MSRB2: variants seen among roughly 807,000 people sequenced by gnomAD.
MSRB2 encodes methionine-R-sulfoxide reductase B2, mitochondrial.
MSRB2 carries 17 observed loss-of-function variants against 19.0 expected under a neutral mutation model. The ratio of observed to expected loss-of-function variants is 0.89; its 90% confidence interval spans 0.61 to 1.34. MSRB2 has a LOEUF of 1.34. Among genes scored for constraint, MSRB2 ranks in the 40% most tolerant of loss-of-function variants. MSRB2 has a pLI of 0.00. For synonymous variants in MSRB2, 107 were observed against 99.7 expected, an observed-to-expected ratio of 1.07 and a Z score of -0.44; for missense variants, 208 against 237.6, an observed-to-expected ratio of 0.88 and a Z score of 0.82.
chr10:23,108,475 C>CT (rs566565955), intron 2 of MSRB2, among the ~76,000 whole-genome samples: 22,267 of 129,198 alleles, frequency 0.17, 2,102 homozygotes, highest in Middle Eastern at 0.22. Flanking sequence ...GAAACTTCCT[C>CT]TTTTTTTTTT....
chr10:23,116,408 A>C (rs1253467307), intron 3 of MSRB2, among the ~76,000 whole-genome samples: 1 of 152,212 alleles, frequency 6.6e-6, no homozygotes, highest in Non-Finnish European at 1.5e-5. Context: ...TTAACAGATC[A>C]CAGAAGGGGC....
At chr10:23,106,584 C>T (rs1839989478) in intron 2 of MSRB2, among the ~76,000 whole-genome samples, 1 of 152,174 alleles carries the variant, frequency 6.6e-6, no homozygotes, top group Non-Finnish European at 1.5e-5. Flanking sequence ...ACAGTGAGAT[C>T]AAAAGGTGGG....
At chr10:23,119,706 T>C (rs959261000) in intron 4 of MSRB2, among the ~76,000 whole-genome samples, 1 of 152,158 alleles carries the variant, frequency 6.6e-6, no homozygotes, top group Non-Finnish European at 1.5e-5. Context: ...TGAGTTCAAG[T>C]GCCTCAGCCT....
intron 2 of MSRB2, among the ~76,000 whole-genome samples, chr10:23,108,630 C>G (rs1009544080): frequency 2.6e-5 from 4 of 151,862 alleles, no homozygotes; most frequent in African/African-American, 9.7e-5. Flanking sequence ...CGTGCTCCAC[C>G]ATGCCTGGCA....
chr10:23,100,138 A>G (rs1023105218), intron 1 of MSRB2, among the ~76,000 whole-genome samples: 3 of 152,200 alleles, frequency 2.0e-5, no homozygotes, highest in Non-Finnish European at 4.4e-5. Flanking sequence ...ATAATGCAAG[A>G]TCTTTGCCAA....
At position 23,120,879 on chromosome 10, in the gene MSRB2, C is replaced by G; in HGVS notation, c.*17C>G. On this transcript the variant is annotated 3_prime_UTR_variant, in exon 5 of 5. Transcript: ENST00000376510. ...AAACACTGACCATCTTCAAGAGTCC[C>G]GTTCCCTTGCCACCCCTTCACGTGC... The G allele has an allele frequency of 6.3e-7, 1 of 1,588,634 alleles. No homozygotes were observed. Among genetic ancestry groups the G allele is most frequent in the Non-Finnish European group, 8.6e-7 (1 of 1,158,626 alleles).
At chr10:23,108,638 G>A (rs1020163328) in intron 2 of MSRB2, among the ~76,000 whole-genome samples, 1 of 151,746 alleles carries the variant, frequency 6.6e-6, no homozygotes, top group Admixed American at 6.6e-5. Flanking sequence ...ACCATGCCTG[G>A]CATTTTTTTG....
intron 3 of MSRB2, among the ~76,000 whole-genome samples, chr10:23,112,367 G>A (rs895857659): frequency 1.3e-5 from 2 of 152,168 alleles, no homozygotes; most frequent in African/African-American, 4.8e-5. Context: ...AGATTGCCAA[G>A]GTGTATATCC....
At chr10:23,109,371 G>C (rs1275406283) in intron 2 of MSRB2, among the ~76,000 whole-genome samples, 2 of 151,996 alleles carry the variant, frequency 1.3e-5, no homozygotes, top group Non-Finnish European at 2.9e-5. Flanking sequence ...CTAACACGGT[G>C]AAACCCCGTA....
chr10:23,114,065 A>G (rs1407083045), intron 3 of MSRB2, among the ~76,000 whole-genome samples: 1 of 152,104 alleles, frequency 6.6e-6, no homozygotes, highest in East Asian at 1.9e-4. Flanking sequence ...AGCTGTGGTT[A>G]CGGGCTGAAC....
intron 1 of MSRB2, among the ~76,000 whole-genome samples, chr10:23,098,947 C>T (rs549607830): frequency 2.0e-5 from 3 of 152,242 alleles, no homozygotes; most frequent in South Asian, 4.1e-4. Flanking sequence ...TGTCCTGAGA[C>T]CTCTTTCCTT....
chr10:23,119,435 A>G lies in MSRB2; in HGVS notation c.428A>G (p.Glu143Gly). ...ACCTCGTTAGGATCAGCTCGCACAG[A>G]GGTTGTCTGCAAGCAGGTGAGGTTT... ...LDTSLGSART[E>G]VVCKQCEAHL... Residue 143 changes from glutamate to glycine, a missense_variant, in exon 4 of 5, where the codon GAG (glutamate) becomes GGG (glycine). Transcript: ENST00000376510. The G allele has an allele frequency of 6.2e-7, 1 of 1,613,400 alleles. No homozygotes were observed. The highest frequency in any genetic ancestry group is 8.5e-7 in the Non-Finnish European group (1 of 1,179,548).
At chr10:23,098,682 T>G (rs1176482759) in intron 1 of MSRB2, among the ~76,000 whole-genome samples, 1 of 152,198 alleles carries the variant, frequency 6.6e-6, no homozygotes, top group Non-Finnish European at 1.5e-5. Flanking sequence ...CCAGAAGACT[T>G]GACTCATTCC....
intron 1 of MSRB2, among the ~76,000 whole-genome samples, chr10:23,099,601 C>CT (rs1839904708): frequency 6.6e-6 from 1 of 152,134 alleles, no homozygotes; most frequent in Non-Finnish European, 1.5e-5. Flanking sequence ...CACCTGTAGT[C>CT]TCAGCTACTT....
intron 3 of MSRB2, among the ~76,000 whole-genome samples, chr10:23,116,488 G>A (rs1282893806): frequency 6.6e-6 from 1 of 152,168 alleles, no homozygotes. Context: ...TATGACCTAT[G>A]TTTATTTGGG....
intron 1 of MSRB2, among the ~76,000 whole-genome samples, 182 bp downstream of exon 1, chr10:23,095,908 C>A (rs926286120): frequency 6.9e-6 from 1 of 145,694 alleles, no homozygotes; most frequent in Non-Finnish European, 1.5e-5. Context: ...AACTTGGTGG[C>A]GGCAGGGTGG....
chr10:23,120,313 A>G (rs1840167604), intron 4 of MSRB2, among the ~76,000 whole-genome samples: 1 of 152,204 alleles, frequency 6.6e-6, no homozygotes, highest in Admixed American at 6.5e-5. Context: ...TTTCTGACTC[A>G]TGGGTTTTGT....
intron 3 of MSRB2, among the ~76,000 whole-genome samples, chr10:23,113,683 T>C (rs952042096): frequency 3.3e-5 from 5 of 152,174 alleles, no homozygotes; most frequent in African/African-American, 1.2e-4. Context: ...AAGATCATAT[T>C]GGAGTAGGGT....
rs1384067224 is a variant in MSRB2 at position 23,119,421 on chromosome 10, A to T, written c.414A>T (p.Gly138=). ...GILRRLDTSL[G]SARTEVVCKQ... is the part of the protein sequence containing the mutation. ...TGAGACGTCTGGATACCTCGTTAGG[A>T]TCAGCTCGCACAGAGGTTGTCTGCA... The change falls in exon 4 of 5, where the codon GGA becomes GGT. Residue 138 remains glycine (G), a synonymous_variant. Transcript: ENST00000376510. 26 of 1,614,056 alleles carry T rather than the reference A, an allele frequency of 1.6e-5. No individual in the cohort carries two copies. The highest frequency in any genetic ancestry group is 2.1e-5 in the Non-Finnish European group (25 of 1,179,982).
Sources: gnomAD v4.1 joint callset for allele counts (sites outside exome capture counted in the v4.1 genomes callset) on GRCh38, gnomAD v4.1.1 for gene constraint, MANE v1.5 for transcripts, NCBI Gene and HGNC (gene_info 2026-07-23, HGNC 2026-07-21) for gene names.